The following ITSN1 variants were observed in gnomAD, a reference collection of about 807,000 sequenced individuals.
ITSN1 encodes intersectin 1.
Under a neutral mutation model 239.8 loss-of-function variants are expected in ITSN1, and 58 were observed. The observed-to-expected ratio is 0.24, with a 90% CI of 0.20 to 0.30. ITSN1 has a LOEUF of 0.30. Among genes scored for constraint, ITSN1 ranks in the 10% least tolerant of loss-of-function variants. The pLI is 1.00. For synonymous variants in ITSN1, 780 were observed against 770.8 expected (o/e 1.01, Z -0.20); for missense variants, 1,558 against 2,103.3 (o/e 0.74, Z 5.07).
chr21:33,831,507 G>C (rs1205103676), intron 27 of ITSN1, among the ~76,000 whole-genome samples: 1 of 152,196 alleles, frequency 6.6e-6, no homozygotes, highest in Non-Finnish European at 1.5e-5. Context: ...GTAAGTTTGA[G>C]GGGGAAGAGG....
intron 22 of ITSN1, chr21:33,817,355 G>A (rs1437141813): frequency 7.7e-7 from 1 of 1,304,426 alleles, no homozygotes; most frequent in South Asian, 1.2e-5. Flanking sequence ...CCTCGGCCTG[G>A]AGTGCCCTTC....
intron 16 of ITSN1, among the ~76,000 whole-genome samples, chr21:33,790,671 T>G (rs1168465914): frequency 2.0e-5 from 3 of 152,210 alleles, no homozygotes; most frequent in African/African-American, 7.2e-5. Context: ...TTTCTTTCTG[T>G]TATAATAGCA....
chr21:33,753,046 A>G (rs980120501), intron 7 of ITSN1, among the ~76,000 whole-genome samples: 4 of 152,188 alleles, frequency 2.6e-5, no homozygotes, highest in Non-Finnish European at 5.9e-5. Flanking sequence ...CCATGAGATG[A>G]TTCTGTTACT....
intron 31 of ITSN1, among the ~76,000 whole-genome samples, chr21:33,859,586 G>A (rs568871268): frequency 1.5e-4 from 18 of 123,854 alleles, no homozygotes; most frequent in South Asian, 3.5e-4. Context: ...TCCTGGGCCC[G>A]AGGATGGAGG....
At chr21:33,841,201 G>T (rs1019635297) in intron 29 of ITSN1, among the ~76,000 whole-genome samples, 1 of 152,218 alleles carries the variant, frequency 6.6e-6, no homozygotes, top group Non-Finnish European at 1.5e-5. Flanking sequence ...GACCCAGGCC[G>T]CAAATAGTAA....
intron 8 of ITSN1, among the ~76,000 whole-genome samples, chr21:33,757,454 A>C (rs1457705027): frequency 6.6e-6 from 1 of 152,228 alleles, no homozygotes; most frequent in Non-Finnish European, 1.5e-5. Context: ...TAAGGTGGGA[A>C]TTTTACTTTT....
At chr21:33,788,725 T>TTTGAGA (rs1346836671) in intron 16 of ITSN1, among the ~76,000 whole-genome samples, 1 of 152,156 alleles carries the variant, frequency 6.6e-6, no homozygotes, top group Non-Finnish European at 1.5e-5. Flanking sequence ...AGAGCAAGAC[T>TTTGAGA]CCATCTCAAA....
chr21:33,858,537 A>G, intron 30 of ITSN1, 149 bp from the exon 31 acceptor site: 1 of 505,222 alleles, frequency 2.0e-6, no homozygotes, highest in East Asian at 3.2e-5. Context: ...TCTGCTTCAG[A>G]AACTGCAGGA....
intron 31 of ITSN1, among the ~76,000 whole-genome samples, chr21:33,862,925 CAT>C (rs140462606): frequency 0.061 from 9,257 of 152,272 alleles, 386 homozygotes; most frequent in African/African-American, 0.12. Flanking sequence ...TACAGACACT[CAT>C]GTGTTCAGCA....
intron 29 of ITSN1, among the ~76,000 whole-genome samples, chr21:33,839,385 G>A (rs955422719): frequency 2.0e-5 from 3 of 152,174 alleles, no homozygotes; most frequent in East Asian, 1.9e-4. Context: ...GGGGTGGGGC[G>A]GGGAGTGCCA....
At chr21:33,872,096 A>G (rs1982849517) in intron 33 of ITSN1, among the ~76,000 whole-genome samples, 1 of 152,248 alleles carries the variant, frequency 6.6e-6, no homozygotes, top group Admixed American at 6.5e-5. Context: ...ACAAAACAAG[A>G]AAATACTTTG....
intron 14 of ITSN1, among the ~76,000 whole-genome samples, chr21:33,776,074 G>A (rs183531067): frequency 1.1e-4 from 16 of 152,260 alleles, no homozygotes; most frequent in Non-Finnish European, 2.1e-4. Flanking sequence ...TCACTGAGTA[G>A]TGTTTCCTTA....
chr21:33,724,763 C>T (rs2065717120), intron 4 of ITSN1, among the ~76,000 whole-genome samples: 1 of 152,174 alleles, frequency 6.6e-6, no homozygotes, highest in Non-Finnish European at 1.5e-5. Context: ...CAAAAATTGT[C>T]ACATGGTGGT....
chr21:33,737,007 C>T (rs78373617), intron 5 of ITSN1, among the ~76,000 whole-genome samples: 4 of 152,228 alleles, frequency 2.6e-5, no homozygotes, highest in Middle Eastern at 6.8e-3. Flanking sequence ...CAAAAAACAA[C>T]GGTATTTGGT....
chr21:33,827,415 A>G (rs911325680), intron 26 of ITSN1, among the ~76,000 whole-genome samples: 1 of 152,086 alleles, frequency 6.6e-6, no homozygotes, highest in Non-Finnish European at 1.5e-5. Context: ...ATAAAATAAA[A>G]TAAAATAAAA....
intron 1 of ITSN1, among the ~76,000 whole-genome samples, chr21:33,657,222 G>GT (rs1399242897): frequency 5.9e-5 from 9 of 152,180 alleles, no homozygotes; most frequent in Admixed American, 4.6e-4. Flanking sequence ...TTTTGTGTCA[G>GT]TGTGTACCCA....
intron 22 of ITSN1, 192 bp from the exon 23 acceptor site, chr21:33,818,075 C>T (rs1448224429): frequency 4.0e-5 from 24 of 600,274 alleles, no homozygotes; most frequent in Non-Finnish European, 6.2e-5. Context: ...GCTTTGGCCT[C>T]CACTTTTGGA....
intron 29 of ITSN1, among the ~76,000 whole-genome samples, 179 bp from the exon 30 acceptor site, chr21:33,856,557 G>A (rs1242592163): frequency 1.3e-5 from 2 of 152,106 alleles, no homozygotes; most frequent in Non-Finnish European, 2.9e-5. Flanking sequence ...ATAAGGTAAC[G>A]TTCACAGGTA....
chr21:33,753,153 T>C (rs988951198), intron 7 of ITSN1, among the ~76,000 whole-genome samples: 1 of 152,208 alleles, frequency 6.6e-6, no homozygotes, highest in Non-Finnish European at 1.5e-5. Flanking sequence ...CTGAGATGTC[T>C]GATTTTAAGG....
Sources: allele counts gnomAD v4.1 joint callset (sites outside exome capture counted in the v4.1 genomes callset), GRCh38; gene constraint gnomAD v4.1.1; transcripts MANE v1.5; gene names NCBI Gene and HGNC (gene_info 2026-07-23, HGNC 2026-07-21).